CACNB4: variants seen among roughly 807,000 people sequenced by gnomAD.
CACNB4 encodes the protein calcium voltage-gated channel auxiliary subunit beta 4.
In CACNB4, 32 loss-of-function variants were observed where a neutral mutation model predicts 71.2. The ratio of observed to expected loss-of-function variants is 0.45; its 90% CI spans 0.34 to 0.60. The LOEUF (loss-of-function observed/expected upper bound fraction) is 0.60. Ranked by LOEUF, CACNB4 falls within the 20% of genes least tolerant of loss-of-function variation. CACNB4 has a pLI of 0.01. For missense variants in CACNB4, 464 were observed against 647.9 expected (o/e 0.72, Z 3.08); for synonymous variants, 231 against 236.9 (o/e 0.97, Z 0.23).
chr2:151,881,393 T>C (rs920297818), intron 3 of CACNB4, among the ~76,000 whole-genome samples: 29 of 152,232 alleles, frequency 1.9e-4, no homozygotes, highest in African/African-American at 6.5e-4. Flanking sequence ...CAACAGAATA[T>C]CTGGTCCTGC....
At chr2:151,984,819 T>G (rs936734036) in intron 2 of CACNB4, among the ~76,000 whole-genome samples, 1 of 152,204 alleles carries the variant, frequency 6.6e-6, no homozygotes, top group African/African-American at 2.4e-5. Context: ...CCTCCTGCCA[T>G]CTCTACAACA....
chr2:152,009,351 T>C (rs544420119), intron 2 of CACNB4, among the ~76,000 whole-genome samples: 1 of 152,274 alleles, frequency 6.6e-6, no homozygotes, highest in African/African-American at 2.4e-5. Flanking sequence ...GAGACTGTCA[T>C]GTGGTATCCT....
At chr2:152,068,616 C>G (rs1686482160) in intron 2 of CACNB4, among the ~76,000 whole-genome samples, 1 of 152,110 alleles carries the variant, frequency 6.6e-6, no homozygotes, top group Admixed American at 6.6e-5. Flanking sequence ...CACCTGAAAC[C>G]AGTCCTAACA....
At chr2:151,948,693 T>G (rs764626257) in intron 2 of CACNB4, among the ~76,000 whole-genome samples, 1 of 151,452 alleles carries the variant, frequency 6.6e-6, no homozygotes, top group Non-Finnish European at 1.5e-5. Flanking sequence ...AAATGACAGA[T>G]GTAATGGAAG....
intron 12 of CACNB4, among the ~76,000 whole-genome samples, chr2:151,847,275 G>A (rs2099837846): frequency 1.3e-5 from 2 of 152,062 alleles, no homozygotes; most frequent in African/African-American, 2.4e-5. Flanking sequence ...AGCTACTGGG[G>A]AGGCTGAGGT....
chr2:152,012,947 A>G (rs1400659247), intron 2 of CACNB4, among the ~76,000 whole-genome samples: 1 of 152,236 alleles, frequency 6.6e-6, no homozygotes, highest in African/African-American at 2.4e-5. Flanking sequence ...TCCATTTGCA[A>G]TAAGTGCCCT....
At chr2:151,958,784 C>T (rs2099868939) in intron 2 of CACNB4, among the ~76,000 whole-genome samples, 1 of 152,168 alleles carries the variant, frequency 6.6e-6, no homozygotes, top group Non-Finnish European at 1.5e-5. Context: ...CCATCTTCTA[C>T]CCTGACCAAT....
chr2:151,927,666 T>C lies in CACNB4; in HGVS notation c.148-44296A>G, dbSNP rs144811319. ...TCACTTGAGATCAATGATCACGAAC[T>C]GCAGGTGAGTCAGCGCAATTGCGTG... On this transcript the variant is annotated intron_variant, in intron 2 of 13. Transcript: ENST00000539935. Among the ~76,000 whole-genome samples, 224 of 152,340 alleles carry C rather than the reference T, an allele frequency of 1.5e-3. 2 individuals carry two copies. The highest frequency in any genetic ancestry group is 2.5e-3 in the Non-Finnish European group (173 of 68,028).
chr2:152,008,874 G>T (rs560183328), intron 2 of CACNB4, among the ~76,000 whole-genome samples: 2 of 152,282 alleles, frequency 1.3e-5, no homozygotes, highest in South Asian at 4.1e-4. Flanking sequence ...CCAGTGAAGC[G>T]CTGGGCAGCA....
At chr2:151,923,559 C>A (rs533910531) in intron 2 of CACNB4, among the ~76,000 whole-genome samples, 1 of 152,164 alleles carries the variant, frequency 6.6e-6, no homozygotes, top group African/African-American at 2.4e-5. Context: ...GGTGGAGGCC[C>A]GGATGGCATC....
intron 12 of CACNB4, chr2:151,852,497 G>A (rs1325854893): frequency 6.6e-6 from 1 of 152,206 alleles, no homozygotes; most frequent in Non-Finnish European, 1.5e-5. Context: ...AGAAAACTTA[G>A]ACGGTGCTTC....
intron 2 of CACNB4, among the ~76,000 whole-genome samples, chr2:152,016,718 A>G (rs760304298): frequency 1.3e-5 from 2 of 152,252 alleles, no homozygotes; most frequent in Non-Finnish European, 2.9e-5. Flanking sequence ...GCTCAGGCAC[A>G]AATGTGGCTA....
chr2:151,847,690 C>T (rs947671942), intron 12 of CACNB4, among the ~76,000 whole-genome samples: 3 of 152,098 alleles, frequency 2.0e-5, no homozygotes, highest in Admixed American at 6.5e-5. Context: ...GAGTTTGAGA[C>T]CATCTCTTTT....
intron 2 of CACNB4, among the ~76,000 whole-genome samples, chr2:151,919,687 C>T (rs915700824): frequency 4.6e-5 from 7 of 152,140 alleles, no homozygotes; most frequent in Non-Finnish European, 1.0e-4. Flanking sequence ...TTTACCTCTC[C>T]TTTTTTGCCT....
chr2:152,011,194 T>A (rs1385857558), intron 2 of CACNB4, among the ~76,000 whole-genome samples: 1 of 152,144 alleles, frequency 6.6e-6, no homozygotes, highest in Non-Finnish European at 1.5e-5. Context: ...GATGAAGTCA[T>A]CTAGAATTCA....
intron 2 of CACNB4, among the ~76,000 whole-genome samples, chr2:151,926,248 G>A (rs1292126836): frequency 6.6e-6 from 1 of 152,108 alleles, no homozygotes; most frequent in Non-Finnish European, 1.5e-5. Context: ...AAAAGCCAGA[G>A]GAAAACCAAG....
chr2:152,014,409 T>C (rs1202767729), intron 2 of CACNB4, among the ~76,000 whole-genome samples: 1 of 152,002 alleles, frequency 6.6e-6, no homozygotes, highest in Non-Finnish European at 1.5e-5. Flanking sequence ...GCTTTCTTCT[T>C]ACAGATAATT....
chr2:152,056,855 C>A (rs1402018108), intron 2 of CACNB4, among the ~76,000 whole-genome samples: 2 of 151,840 alleles, frequency 1.3e-5, no homozygotes, highest in South Asian at 2.1e-4. Context: ...TCATTGACTT[C>A]TTGTTCTCTG....
chr2:151,905,501 A>G (rs1427352915), intron 2 of CACNB4, among the ~76,000 whole-genome samples: 1 of 152,220 alleles, frequency 6.6e-6, no homozygotes, highest in Non-Finnish European at 1.5e-5. Flanking sequence ...TTGAGTAGAA[A>G]GAAGCTTTGC....
Sources: allele counts gnomAD v4.1 joint callset (sites outside exome capture counted in the v4.1 genomes callset), GRCh38; gene constraint gnomAD v4.1.1; transcripts MANE v1.5; gene names NCBI Gene and HGNC (gene_info 2026-07-23, HGNC 2026-07-21).